The following MAGI2 variants were observed in gnomAD, a reference collection of about 807,000 sequenced individuals.
MAGI2 encodes the protein membrane-associated guanylate kinase, WW and PDZ domain-containing protein 2.
In MAGI2, 35 loss-of-function variants were observed where a neutral mutation model predicts 133.3. That is an observed-to-expected ratio of 0.26 (90% CI 0.20 to 0.35). The LOEUF (loss-of-function observed/expected upper bound fraction) is 0.35, where lower values mean the gene tolerates loss of function less well. MAGI2 is among the 10% of genes least tolerant of loss of function. The pLI is 1.00. For missense variants in MAGI2, 1,636 were observed against 1,863.4 expected, an observed-to-expected ratio of 0.88 and a Z score of 2.25; for synonymous variants, 729 against 710.6, an observed-to-expected ratio of 1.03 and a Z score of -0.41.
At chr7:79,313,130 C>T (rs920651794) in intron 1 of MAGI2, among the ~76,000 whole-genome samples, 1 of 146,484 alleles carries the variant, frequency 6.8e-6, no homozygotes, top group Non-Finnish European at 1.5e-5. Context: ...CTATATGGCT[C>T]ACAGAATATA....
At chr7:78,489,736 A>G (rs767380953) in intron 6 of MAGI2, 25 bp downstream of exon 6, 2 of 1,560,762 alleles carry the variant, frequency 1.3e-6, no homozygotes, top group East Asian at 4.5e-5. Flanking sequence ...CATTGCTGAA[A>G]CACCATAAAA....
At chr7:78,248,551 G>C (rs1313398561) in intron 10 of MAGI2, among the ~76,000 whole-genome samples, 1 of 152,110 alleles carries the variant, frequency 6.6e-6, no homozygotes, top group Non-Finnish European at 1.5e-5. Context: ...AGGACACACA[G>C]AGGCTGAAAA....
intron 2 of MAGI2, among the ~76,000 whole-genome samples, chr7:78,835,693 G>A (rs1008784379): frequency 2.6e-5 from 4 of 152,146 alleles, no homozygotes; most frequent in African/African-American, 7.2e-5. Flanking sequence ...CTCACTCCCA[G>A]GAAGGAGACG....
chr7:79,013,184 C>G (rs1010443454), intron 1 of MAGI2, among the ~76,000 whole-genome samples: 2 of 148,618 alleles, frequency 1.3e-5, no homozygotes, highest in South Asian at 2.2e-4. Flanking sequence ...GGTAACAAGA[C>G]AACCAAATTA....
chr7:78,044,162 T>C (rs1411558674), intron 21 of MAGI2, among the ~76,000 whole-genome samples: 1 of 152,220 alleles, frequency 6.6e-6, no homozygotes, highest in Admixed American at 6.5e-5. Context: ...ACTCCAAAAT[T>C]TACGGTACCA....
At position 79,183,549 on chromosome 7, in the gene MAGI2, AT is replaced by A. The variant is rs906745779; in HGVS notation, c.302-176344del. 4.6e-5 allele frequency among the ~76,000 whole-genome samples: 7 copies of A among 151,904 alleles called. 1 individual carries two copies. The highest frequency in any genetic ancestry group is 3.9e-4 in the Admixed American group (6 of 15,228). On this transcript the variant is annotated intron_variant, in intron 1 of 21. Transcript: ENST00000354212. ...TTTATTAGATATATATTCCACAAATATTTTTTCCCAGTCTGCAGCTAGATCT... is the reference window on the plus strand; with the variant it reads ...TTTATTAGATATATATTCCACAAATATTTTTCCCAGTCTGCAGCTAGATCT...
intron 1 of MAGI2, chr7:79,124,962 G>A (rs1010520): frequency 7.8e-5 from 22 of 283,492 alleles, no homozygotes; most frequent in East Asian, 9.1e-5. Flanking sequence ...TAAAAGCCAC[G>A]AAAGGTGGAG....
rs549785186 is a variant in MAGI2, at chr7:78,125,793, T to C, written c.3468A>G (p.Gly1156=). The C allele has an allele frequency of 2.8e-5, 46 of 1,614,170 alleles. No individual in the cohort carries two copies. The Admixed American group carries it at 5.7e-4, about 20-fold the overall frequency. The change falls in exon 20 of 22, where the codon GGA becomes GGG. Residue 1156 remains glycine (G), a synonymous_variant. Coordinates refer to ENST00000354212, the MANE Select transcript of MAGI2 (RefSeq NM_012301.4). ...FTVDMEKGAK[G]FGFSIRGGRE... Reference sequence around the variant, plus strand: ...TTCCTCCACGAATGCTGAATCCAAATCCTTTGGCTCCTTTCTCCATGTCCA... The same window carrying C: ...TTCCTCCACGAATGCTGAATCCAAACCCTTTGGCTCCTTTCTCCATGTCCA...
intron 1 of MAGI2, among the ~76,000 whole-genome samples, chr7:79,126,740 G>A (rs560520786): frequency 1.3e-5 from 2 of 151,704 alleles, no homozygotes; most frequent in Admixed American, 1.3e-4. Context: ...AACACCAGTT[G>A]TGCCCATTTA....
intron 1 of MAGI2, among the ~76,000 whole-genome samples, chr7:79,213,712 G>C (rs78710231): frequency 6.6e-6 from 1 of 151,864 alleles, no homozygotes; most frequent in Non-Finnish European, 1.5e-5. Context: ...TGGGACTCTC[G>C]CAATTACTAC....
intron 2 of MAGI2, among the ~76,000 whole-genome samples, chr7:78,657,779 C>T (rs544350541): frequency 1.3e-5 from 2 of 152,220 alleles, no homozygotes; most frequent in East Asian, 3.9e-4. Context: ...ATATACAACA[C>T]CAAGAGAGAA....
At chr7:78,319,470 A>C (rs1787770925) in intron 9 of MAGI2, among the ~76,000 whole-genome samples, 1 of 152,224 alleles carries the variant, frequency 6.6e-6, no homozygotes, top group Non-Finnish European at 1.5e-5. Flanking sequence ...AGGATTAAGA[A>C]ACTCACTTAA....
At chr7:78,382,915 C>T (rs1183886633) in intron 6 of MAGI2, among the ~76,000 whole-genome samples, 1 of 152,032 alleles carries the variant, frequency 6.6e-6, no homozygotes, top group Non-Finnish European at 1.5e-5. Context: ...AAGTTCCATC[C>T]ATGTTGCTGG....
chr7:78,833,466 C>G (rs943652569), intron 2 of MAGI2, among the ~76,000 whole-genome samples: 1 of 152,172 alleles, frequency 6.6e-6, no homozygotes, highest in African/African-American at 2.4e-5. Flanking sequence ...TATTATTTCT[C>G]GACCTGCCAA....
chr7:78,740,025 G>T (rs1249569191), intron 2 of MAGI2, among the ~76,000 whole-genome samples: 1 of 152,112 alleles, frequency 6.6e-6, no homozygotes, highest in Non-Finnish European at 1.5e-5. Context: ...GCTGGGCGTG[G>T]TGGCGGGCGC....
intron 9 of MAGI2, among the ~76,000 whole-genome samples, chr7:78,333,285 G>A (rs1357204222): frequency 2.0e-5 from 3 of 152,182 alleles, no homozygotes; most frequent in African/African-American, 7.2e-5. Context: ...CAGAAAGATT[G>A]TGAGAAGGCA....
rs1251859759 is a variant in MAGI2, at chr7:79,299,554, C to A, written c.301+153466G>T. Among the ~76,000 whole-genome samples, 66 of 84,698 alleles carry A rather than the reference C, an allele frequency of 7.8e-4. 1 individual carries two copies. Among genetic ancestry groups the A allele is most frequent in the Middle Eastern group, 0.011 (1 of 90 alleles). 55.6% of individuals were successfully genotyped at this position (84,698 alleles called of 152,430 possible). On this transcript the variant is annotated intron_variant, in intron 1 of 21. Transcript: ENST00000354212. ...CTGGAGACAGAGCAAGACTCCATCT[C>A]AAAAAAAAAAAAAAAAAAAGATATC...
chr7:78,057,060 T>TTA (rs59064919), intron 21 of MAGI2, among the ~76,000 whole-genome samples: 50,028 of 145,654 alleles, frequency 0.34, 8,939 homozygotes, highest in East Asian at 0.58. Flanking sequence ...TATATATAAA[T>TTA]TATATATATA....
chr7:78,477,086 G>A (rs1348237661), intron 6 of MAGI2, among the ~76,000 whole-genome samples: 1 of 147,252 alleles, frequency 6.8e-6, no homozygotes, highest in Non-Finnish European at 1.5e-5. Flanking sequence ...TTGGGTTGAT[G>A]ATCTGGATCT....
Sources: gnomAD v4.1 joint callset for allele counts (sites outside exome capture counted in the v4.1 genomes callset) on GRCh38, gnomAD v4.1.1 for gene constraint, MANE v1.5 for transcripts, NCBI Gene and HGNC (gene_info 2026-07-23, HGNC 2026-07-21) for gene names.